TMEM135: variants seen among roughly 807,000 people sequenced by gnomAD.
TMEM135 encodes the protein peroxisomal membrane protein 52.
Under a neutral mutation model 60.3 loss-of-function variants are expected in TMEM135, and 30 were observed. That is an observed-to-expected ratio of 0.50 (90% CI 0.37 to 0.68). The LOEUF (loss-of-function observed/expected upper bound fraction) is 0.68, where lower values mean the gene tolerates loss of function less well. Among genes scored for constraint, TMEM135 ranks in the 30% least tolerant of loss-of-function variants. The probability of loss-of-function intolerance (pLI) is 0.00; values close to 1 mark genes in which losing one functional copy is unlikely to be tolerated. For missense variants in TMEM135, 468 were observed against 548.8 expected, an observed-to-expected ratio of 0.85 and a Z score of 1.47; for synonymous variants, 190 against 186.7, an observed-to-expected ratio of 1.02 and a Z score of -0.14.
intron 13 of TMEM135, chr11:87,318,973 A>C (rs1180221324): frequency 9.5e-6 from 2 of 211,330 alleles, no homozygotes; most frequent in East Asian, 2.7e-4. Context: ...GGTTCAAGTG[A>C]TTCTCCTGCC....
At chr11:87,231,920 G>T (rs1289766493) in intron 5 of TMEM135, among the ~76,000 whole-genome samples, 1 of 150,850 alleles carries the variant, frequency 6.6e-6, no homozygotes, top group East Asian at 1.9e-4. Flanking sequence ...TAAGAATAGA[G>T]ACCATCTAAA....
At chr11:87,067,976 C>T (rs998812856) in intron 2 of TMEM135, among the ~76,000 whole-genome samples, 155 bp downstream of exon 2, 1 of 151,712 alleles carries the variant, frequency 6.6e-6, no homozygotes, top group Non-Finnish European at 1.5e-5. Context: ...GCTTGTAAAA[C>T]CAGGAACTGT....
intron 3 of TMEM135, among the ~76,000 whole-genome samples, chr11:87,083,131 T>G (rs945070482): frequency 6.6e-6 from 1 of 152,200 alleles, no homozygotes; most frequent in African/African-American, 2.4e-5. Context: ...GCTTGCTAGT[T>G]TCTGACACCC....
In TMEM135 at chr11:87,219,059, T is replaced by C. The variant is rs543805755; in HGVS notation, c.463-17579T>C. 2.6e-5 allele frequency among the ~76,000 whole-genome samples: 4 copies of C among 152,326 alleles called. No individual in the cohort carries two copies. The South Asian group carries it at 8.3e-4, about 32-fold the overall frequency. On this transcript the variant is annotated intron_variant, in intron 5 of 14. Transcript: ENST00000305494. ...CAATATGATTCTTGTCTAATATCTA[T>C]TCAAAATTATTTAAATAAAATTAAA...
At chr11:87,264,829 C>T (rs7952406) in intron 6 of TMEM135, among the ~76,000 whole-genome samples, 53,573 of 151,232 alleles carry the variant, frequency 0.35, 10,011 homozygotes, top group Non-Finnish European at 0.42. Context: ...TATTAAAGTT[C>T]ATTTTGTTGA....
intron 1 of TMEM135, among the ~76,000 whole-genome samples, chr11:87,053,365 G>A (rs1241165772): frequency 6.6e-6 from 1 of 152,014 alleles, no homozygotes; most frequent in African/African-American, 2.4e-5. Flanking sequence ...CTGGAATGCA[G>A]ACTTATGTTG....
At chr11:87,302,064 T>C (rs1324152206) in intron 7 of TMEM135, among the ~76,000 whole-genome samples, 1 of 152,222 alleles carries the variant, frequency 6.6e-6, no homozygotes. Context: ...GTCAGTTTGA[T>C]TTTTAAATAC....
intron 4 of TMEM135, among the ~76,000 whole-genome samples, chr11:87,104,973 G>A (rs1038556643): frequency 5.3e-5 from 8 of 152,146 alleles, no homozygotes; most frequent in African/African-American, 1.9e-4. Context: ...GAGATGGTGA[G>A]AGTGGGCATC....
intron 5 of TMEM135, among the ~76,000 whole-genome samples, chr11:87,208,050 A>G (rs1338830095): frequency 6.6e-6 from 1 of 152,202 alleles, no homozygotes; most frequent in Non-Finnish European, 1.5e-5. Context: ...CTCAAGGGTA[A>G]TAAAGACCTT....
At chr11:87,152,456 T>A (rs1938581018) in intron 4 of TMEM135, among the ~76,000 whole-genome samples, 1 of 152,208 alleles carries the variant, frequency 6.6e-6, no homozygotes. Flanking sequence ...TGATTCTCAA[T>A]GTTACTTTAT....
At chr11:87,056,220 T>G (rs759775353) in intron 1 of TMEM135, among the ~76,000 whole-genome samples, 6 of 152,342 alleles carry the variant, frequency 3.9e-5, no homozygotes, top group Admixed American at 2.0e-4. Context: ...TAAACGTTAT[T>G]AATTTGTTCC....
Position 87,155,085 on chromosome 11 carries a change from G to A in TMEM135, c.397-2256G>A, listed in dbSNP as rs577631215. ...GCGATCTTGGCTCACTGCAACCTCC[G>A]TCTCCCAAGTTCAAGTTATTCTCCT... On this transcript the variant is annotated intron_variant, in intron 4 of 14. Transcript: ENST00000305494. Among the ~76,000 whole-genome samples the A allele has an allele frequency of 3.6e-5, 5 of 139,674 alleles. No individual in the cohort carries two copies. In the South Asian group the frequency reaches 7.2e-4, roughly 20 times the overall value. The allele number at this position is 139,674 out of a possible 152,430, so 91.6% of individuals were successfully genotyped here.
At position 87,289,768 on chromosome 11, in the gene TMEM135, C is replaced by T. The variant is rs61904516; in HGVS notation, c.510-6014C>T. On this transcript the variant is annotated intron_variant, in intron 6 of 14. Coordinates refer to ENST00000305494, the MANE Select transcript of TMEM135 (RefSeq NM_022918.4). ...ACCGCGTGCAGCCATCTCTTCATAT[C>T]TTTACCTTCCCCCTACTGTTTCCAG... Among the ~76,000 whole-genome samples the T allele has an allele frequency of 4.7e-4, 71 of 152,076 alleles. No homozygotes were observed. The South Asian group carries it at 5.6e-3, about 12-fold the overall frequency.
intron 6 of TMEM135, chr11:87,258,858 T>C: frequency 2.5e-6 from 2 of 809,644 alleles, no homozygotes; most frequent in East Asian, 2.6e-5. Context: ...TCTAGATCTT[T>C]CCAGGAAGTG....
intron 6 of TMEM135, among the ~76,000 whole-genome samples, chr11:87,249,828 G>A (rs145850522): frequency 0.016 from 2,409 of 152,144 alleles, 41 homozygotes; most frequent in Non-Finnish European, 0.02. Context: ...TGTCCTCATA[G>A]AATGAGTTTG....
intron 6 of TMEM135, among the ~76,000 whole-genome samples, chr11:87,250,314 T>G (rs1591139502): frequency 6.6e-6 from 1 of 152,242 alleles, no homozygotes; most frequent in South Asian, 2.1e-4. Context: ...TGATATTATT[T>G]TCTTCTGCTA....
At chr11:87,320,000 G>A (rs566235389) in intron 14 of TMEM135, among the ~76,000 whole-genome samples, 45 of 152,206 alleles carry the variant, frequency 3.0e-4, no homozygotes, top group African/African-American at 8.7e-4. Context: ...TGCATACATT[G>A]TATGGTTGTA....
intron 5 of TMEM135, among the ~76,000 whole-genome samples, chr11:87,225,843 A>G (rs975808727): frequency 6.6e-6 from 1 of 152,092 alleles, no homozygotes; most frequent in African/African-American, 2.4e-5. Context: ...TTTGAGTCCA[A>G]TTGCCTTATC....
In TMEM135 at chr11:87,325,902, C is replaced by G. The variant is rs565100060; in HGVS notation, c.*4569C>G. The G allele has an allele frequency of 2.2e-6, 1 of 453,826 alleles. No homozygotes were observed. The highest frequency in any genetic ancestry group is 1.6e-5 in the South Asian group (1 of 64,454). The allele number at this position is 453,826 out of a possible 1,614,324, so 28.1% of individuals were successfully genotyped here. On this transcript the variant is annotated 3_prime_UTR_variant, in exon 15 of 15. Coordinates refer to ENST00000305494, the MANE Select transcript of TMEM135 (RefSeq NM_022918.4). ...CTTTCTCCATTTTTTTTCCATCTGT[C>G]CCTCCTACGAATATGTTTTACATGA...
Sources: gnomAD v4.1 joint callset for allele counts (sites outside exome capture counted in the v4.1 genomes callset) on GRCh38, gnomAD v4.1.1 for gene constraint, MANE v1.5 for transcripts, NCBI Gene and HGNC (gene_info 2026-07-23, HGNC 2026-07-21) for gene names.